Variants in CLNK observed in about 807,000 individuals in gnomAD.
The protein encoded by CLNK is cytokine-dependent hematopoietic cell linker.
CLNK carries 74 observed loss-of-function variants against 68.6 expected under a neutral mutation model. The ratio of observed to expected loss-of-function variants is 1.08; its 90% CI spans 0.89 to 1.31. The LOEUF (loss-of-function observed/expected upper bound fraction) is 1.31. Ranked by LOEUF, CLNK falls within the 50% of genes most tolerant of loss-of-function variation. CLNK has a pLI of 0.00. For missense variants in CLNK, 553 were observed against 515.3 expected, an observed-to-expected ratio of 1.07 and a Z score of -0.71; for synonymous variants, 198 against 172.2, an observed-to-expected ratio of 1.15 and a Z score of -1.17.
At position 10,508,042 on chromosome 4, in the gene CLNK, G is replaced by C; in HGVS notation, c.907-6C>G. 1 of 1,601,062 alleles carries C rather than the reference G, an allele frequency of 6.2e-7. No homozygotes were observed. The highest frequency in any genetic ancestry group is 8.5e-7 in the Non-Finnish European group (1 of 1,172,860). On this transcript the variant is annotated splice_region_variant and splice_polypyrimidine_tract_variant and intron_variant, in intron 16 of 18. Coordinates refer to ENST00000226951, the MANE Select transcript of CLNK (RefSeq NM_052964.4). ...CATTCATTGTGCTGGACATCCTGCAGAACAGAATCAATGATAAATATTTTA... is the reference window on the plus strand; with the variant it reads ...CATTCATTGTGCTGGACATCCTGCACAACAGAATCAATGATAAATATTTTA...
chr4:10,567,692 C>A (rs1159454676), intron 5 of CLNK, among the ~76,000 whole-genome samples: 1 of 152,110 alleles, frequency 6.6e-6, no homozygotes, highest in Non-Finnish European at 1.5e-5. Flanking sequence ...GAGCTTAAAT[C>A]CAGAGTATAT....
At chr4:10,589,609 G>A (rs970145622) in intron 3 of CLNK, among the ~76,000 whole-genome samples, 4 of 146,048 alleles carry the variant, frequency 2.7e-5, no homozygotes, top group African/African-American at 1.0e-4. Context: ...AAACAAAGCA[G>A]GGAGGGAAAA....
At chr4:10,680,039 A>G (rs1007011572) in intron 1 of CLNK, among the ~76,000 whole-genome samples, 8 of 152,172 alleles carry the variant, frequency 5.3e-5, no homozygotes, top group African/African-American at 1.9e-4. Context: ...AGGATTATAA[A>G]TCATGCTGCT....
chr4:10,496,637 GTTAT>G (rs1412687495), intron 18 of CLNK, among the ~76,000 whole-genome samples: 2 of 152,214 alleles, frequency 1.3e-5, no homozygotes, highest in African/African-American at 4.8e-5. Context: ...TTGCCATGGT[GTTAT>G]TTGAGTCTGT....
chr4:10,579,269 A>G (rs931394567), intron 4 of CLNK, among the ~76,000 whole-genome samples: 2 of 152,212 alleles, frequency 1.3e-5, no homozygotes, highest in Non-Finnish European at 2.9e-5. Flanking sequence ...CTGTGGGGAA[A>G]GGGAGAAATC....
intron 10 of CLNK, among the ~76,000 whole-genome samples, chr4:10,540,939 G>T (rs371401065): frequency 6.6e-6 from 1 of 152,058 alleles, no homozygotes; most frequent in Non-Finnish European, 1.5e-5. Flanking sequence ...AAGTGGCCAG[G>T]CATGGTGGCT....
the CLNK span, among the ~76,000 whole-genome samples, chr4:10,694,417 G>A: frequency 6.6e-6 from 1 of 151,848 alleles, no homozygotes; most frequent in Non-Finnish European, 1.5e-5. Context: ...AGTCAATGAT[G>A]GACTGTATAT....
chr4:10,540,398 C>A, intron 11 of CLNK, 96 bp downstream of exon 11: 2 of 852,576 alleles, frequency 2.3e-6, no homozygotes, highest in Admixed American at 1.9e-5. Flanking sequence ...CATTAGGGAG[C>A]CTGCTCTGAA....
intron 2 of CLNK, among the ~76,000 whole-genome samples, chr4:10,599,274 T>C (rs929336280): frequency 1.3e-5 from 2 of 152,112 alleles, no homozygotes; most frequent in African/African-American, 4.8e-5. Context: ...CTCCAGGAAA[T>C]ACTTTATGAT....
intron 11 of CLNK, among the ~76,000 whole-genome samples, chr4:10,533,795 G>T (rs142382933): frequency 5.4e-4 from 82 of 152,298 alleles, no homozygotes; most frequent in African/African-American, 1.9e-3. Context: ...TTAAAATGTA[G>T]ATTTGAAGTT....
At chr4:10,551,136 T>C (rs1436581347) in intron 8 of CLNK, among the ~76,000 whole-genome samples, 1 of 152,216 alleles carries the variant, frequency 6.6e-6, no homozygotes, top group Non-Finnish European at 1.5e-5. Flanking sequence ...CAGACCTTGG[T>C]TGAGCATGGG....
At chr4:10,653,610 T>G (rs1334723376) in intron 2 of CLNK, among the ~76,000 whole-genome samples, 1 of 152,106 alleles carries the variant, frequency 6.6e-6, no homozygotes, top group African/African-American at 2.4e-5. Flanking sequence ...TGGCTAAAAT[T>G]TAATTAACAA....
chr4:10,648,067 G>A (rs754799753), intron 2 of CLNK, among the ~76,000 whole-genome samples: 1 of 152,142 alleles, frequency 6.6e-6, no homozygotes, highest in African/African-American at 2.4e-5. Context: ...TTGGAATCAT[G>A]CCTCGTATTT....
chr4:10,673,194 C>T (rs772269088), intron 1 of CLNK, among the ~76,000 whole-genome samples: 1 of 152,124 alleles, frequency 6.6e-6, no homozygotes, highest in Non-Finnish European at 1.5e-5. Context: ...ATTTATGAGG[C>T]TTTACAATGT....
intron 5 of CLNK, among the ~76,000 whole-genome samples, chr4:10,569,970 C>T (rs1720276974): frequency 6.6e-6 from 1 of 152,184 alleles, no homozygotes; most frequent in East Asian, 1.9e-4. Context: ...GCCCAGTACC[C>T]AGGACAAAGC....
intron 8 of CLNK, among the ~76,000 whole-genome samples, chr4:10,552,784 T>C (rs919196796): frequency 6.6e-6 from 1 of 152,098 alleles, no homozygotes; most frequent in Admixed American, 6.6e-5. Flanking sequence ...TTAAACTCTT[T>C]CTCTACGGCA....
intron 18 of CLNK, among the ~76,000 whole-genome samples, chr4:10,493,655 A>G (rs1195022814): frequency 6.6e-6 from 1 of 152,130 alleles, no homozygotes; most frequent in African/African-American, 2.4e-5. Flanking sequence ...CACCACCCAT[A>G]TTACGTATAC....
intron 2 of CLNK, among the ~76,000 whole-genome samples, chr4:10,637,098 TA>T (rs1167125828): frequency 6.6e-6 from 1 of 152,150 alleles, no homozygotes; most frequent in Non-Finnish European, 1.5e-5. Flanking sequence ...GAAGAGCAAA[TA>T]AACATGTTTC....
chr4:10,493,553 C>T (rs1716683253), intron 18 of CLNK, among the ~76,000 whole-genome samples: 2 of 152,174 alleles, frequency 1.3e-5, no homozygotes, highest in African/African-American at 4.8e-5. Flanking sequence ...GACCAAATCA[C>T]TTTCCAAAGT....
Sources: gnomAD v4.1 joint callset for allele counts (sites outside exome capture counted in the v4.1 genomes callset) on GRCh38, gnomAD v4.1.1 for gene constraint, MANE v1.5 for transcripts, NCBI Gene and HGNC (gene_info 2026-07-23, HGNC 2026-07-21) for gene names.